The following TBX15 variants were observed in gnomAD, a reference collection of about 807,000 sequenced individuals.
TBX15 encodes the protein T-box transcription factor 15.
In TBX15, 18 loss-of-function variants were observed where a neutral mutation model predicts 53.9. The observed-to-expected ratio is 0.33, with a 90% CI of 0.23 to 0.49. The LOEUF (loss-of-function observed/expected upper bound fraction) is 0.49, where lower values mean the gene tolerates loss of function less well. TBX15 is among the 20% of genes least tolerant of loss of function. The pLI is 0.98. For synonymous variants in TBX15, 295 were observed against 278.0 expected (o/e 1.06, Z -0.61); for missense variants, 692 against 749.5 (o/e 0.92, Z 0.90).
chr1:118,983,438 G>T (rs1480901372), intron 1 of TBX15, among the ~76,000 whole-genome samples: 1 of 152,128 alleles, frequency 6.6e-6, no homozygotes, highest in Non-Finnish European at 1.5e-5. Context: ...CCAGCCCCGC[G>T]CACCCAAAGG....
intron 1 of TBX15, among the ~76,000 whole-genome samples, chr1:118,963,949 A>C (rs55826903): frequency 0.013 from 1,960 of 152,310 alleles, 35 homozygotes; most frequent in African/African-American, 0.045. Context: ...GAGAAGCCAT[A>C]TGGAGAAGAA....
intron 1 of TBX15, among the ~76,000 whole-genome samples, chr1:118,947,278 G>A (rs1433045272): frequency 6.6e-6 from 1 of 152,136 alleles, no homozygotes; most frequent in African/African-American, 2.4e-5. Context: ...AGAACCTCCT[G>A]GTCCTCCCAG....
At chr1:118,937,785 G>A (rs945136319) in intron 1 of TBX15, among the ~76,000 whole-genome samples, 2 of 152,202 alleles carry the variant, frequency 1.3e-5, no homozygotes, top group African/African-American at 4.8e-5. Context: ...CAACCACATT[G>A]AATGGTGTTT....
intron 1 of TBX15, among the ~76,000 whole-genome samples, chr1:118,933,827 TTG>T (rs1655880389): frequency 6.6e-6 from 1 of 152,210 alleles, no homozygotes; most frequent in South Asian, 2.1e-4. Flanking sequence ...AAATATATTA[TTG>T]TCCTGCTTTT....
rs748975106 is a variant in TBX15 at position 118,931,694 on chromosome 1, A to G, written c.344T>C (p.Val115Ala). 8 of 1,613,916 alleles carry G rather than the reference A, an allele frequency of 5.0e-6. No homozygotes were observed. In the East Asian group the frequency reaches 1.6e-4, roughly 31 times the overall value. Reference sequence around the variant, plus strand: ...CCAGAGGTCAGCACATTGCAGCTCCACCTGAATCTCCTCCATGGAAGACAT... The same window carrying G: ...CCAGAGGTCAGCACATTGCAGCTCCGCCTGAATCTCCTCCATGGAAGACAT... ...AAMSSMEEIQ[V>A]ELQCADLWKR... is the part of the protein sequence containing the mutation. The change falls in exon 2 of 8, where the codon GTG becomes GCG. Residue 115 changes from valine (V) to alanine (A), a missense_variant. Coordinates refer to ENST00000369429, the MANE Select transcript of TBX15 (RefSeq NM_001330677.2).
intron 1 of TBX15, among the ~76,000 whole-genome samples, chr1:118,962,115 C>A (rs1207790622): frequency 6.6e-6 from 1 of 152,134 alleles, no homozygotes; most frequent in East Asian, 1.9e-4. Flanking sequence ...AACAAAATTT[C>A]TTTTTTCTAT....
rs762130621 is a variant in TBX15 at position 118,884,709 on chromosome 1, C to T, written c.*23G>A. 7.4e-6 allele frequency: 12 copies of T among 1,613,430 alleles called. No individual in the cohort carries two copies. The East Asian group carries it at 8.9e-5, about 12-fold the overall frequency. Reference sequence around the variant, plus strand: ...ACTCTGGGGCCTTGATTGCCAAATGCTCCGTGGTGTTTGGACTGGCCTTTA... The same window carrying T: ...ACTCTGGGGCCTTGATTGCCAAATGTTCCGTGGTGTTTGGACTGGCCTTTA... On this transcript the variant is annotated 3_prime_UTR_variant, in exon 8 of 8. Transcript: ENST00000369429.
At chr1:118,886,431 T>A (rs12410424) in intron 7 of TBX15, among the ~76,000 whole-genome samples, 23,156 of 152,160 alleles carry the variant, frequency 0.15, 2,575 homozygotes, top group East Asian at 0.4. Flanking sequence ...GGTTACAGTT[T>A]CTTCATCTAG....
At chr1:118,956,353 A>G (rs964708855) in intron 1 of TBX15, among the ~76,000 whole-genome samples, 1 of 152,232 alleles carries the variant, frequency 6.6e-6, no homozygotes, top group African/African-American at 2.4e-5. Context: ...GATCGTATCA[A>G]TGCATGCGTC....
chr1:118,925,236 T>C lies in TBX15; in HGVS notation c.522-419A>G, dbSNP rs139139399. Among the ~76,000 whole-genome samples the C allele has an allele frequency of 3.2e-3, 484 of 152,338 alleles. 2 individuals carry two copies. Among genetic ancestry groups the C allele is most frequent in the African/African-American group, 0.011 (466 of 41,584 alleles). On this transcript the variant is annotated intron_variant, in intron 3 of 7. Coordinates refer to ENST00000369429, the MANE Select transcript of TBX15 (RefSeq NM_001330677.2). ...TTTCAAATGCAAACCATATAATCCC[T>C]TGGCCATTTGTTCAGGATTTTGTTC...
At chr1:118,938,771 A>G (rs1011984534) in intron 1 of TBX15, among the ~76,000 whole-genome samples, 3 of 152,008 alleles carry the variant, frequency 2.0e-5, no homozygotes, top group Admixed American at 6.6e-5. Context: ...GTTTTTTCCT[A>G]TGTTTATTGT....
intron 2 of TBX15, among the ~76,000 whole-genome samples, chr1:118,927,343 T>C (rs1333983714): frequency 6.6e-6 from 1 of 152,244 alleles, no homozygotes; most frequent in African/African-American, 2.4e-5. Context: ...TATAGCAACT[T>C]ACACTCTTCT....
At chr1:118,919,467 C>A (rs941103150) in intron 5 of TBX15, among the ~76,000 whole-genome samples, 1 of 152,050 alleles carries the variant, frequency 6.6e-6, no homozygotes, top group African/African-American at 2.4e-5. Flanking sequence ...ATGCTAGCAG[C>A]CCTAAGAGTC....
intron 5 of TBX15, among the ~76,000 whole-genome samples, chr1:118,914,400 A>T (rs1021706702): frequency 6.6e-6 from 1 of 152,192 alleles, no homozygotes; most frequent in Non-Finnish European, 1.5e-5. Context: ...AAATTTGCCC[A>T]GTATGTGACT....
intron 5 of TBX15, among the ~76,000 whole-genome samples, chr1:118,921,763 A>C (rs66501260): frequency 0.14 from 21,748 of 152,252 alleles, 1,731 homozygotes; most frequent in Middle Eastern, 0.29. Context: ...AAGAACACCA[A>C]GGACCTACCA....
chr1:118,899,225 A>G, intron 6 of TBX15, 100 bp from the exon 7 acceptor site: 1 of 1,055,280 alleles, frequency 9.5e-7, no homozygotes, highest in Non-Finnish European at 1.4e-6. Flanking sequence ...GGTAATAAAA[A>G]CATAGATACT....
intron 6 of TBX15, chr1:118,901,381 A>C (rs1247169052): frequency 8.8e-6 from 4 of 456,534 alleles, no homozygotes; most frequent in Non-Finnish European, 1.3e-5. Flanking sequence ...CAGCTCTCAG[A>C]GCCTAATCAC....
intron 7 of TBX15, among the ~76,000 whole-genome samples, chr1:118,890,429 T>C (rs1421054140): frequency 1.3e-5 from 2 of 152,194 alleles, no homozygotes; most frequent in Non-Finnish European, 2.9e-5. Flanking sequence ...TCAGGAGTTC[T>C]GTAGCATCTG....
intron 1 of TBX15, among the ~76,000 whole-genome samples, chr1:118,952,812 G>A (rs1295424895): frequency 1.3e-5 from 2 of 152,152 alleles, no homozygotes; most frequent in African/African-American, 4.8e-5. Flanking sequence ...AGCCACAAGA[G>A]ACAGAAATCA....
Sources: allele counts gnomAD v4.1 joint callset (sites outside exome capture counted in the v4.1 genomes callset), GRCh38; gene constraint gnomAD v4.1.1; transcripts MANE v1.5; gene names NCBI Gene and HGNC (gene_info 2026-07-23, HGNC 2026-07-21).